The following SVEP1 variants were observed in gnomAD, a reference collection of about 807,000 sequenced individuals.
SVEP1 encodes sushi, von Willebrand factor type A, EGF and pentraxin domain containing 1.
SVEP1 carries 164 observed loss-of-function variants against 367.3 expected under a neutral mutation model. That is an observed-to-expected ratio of 0.45 (90% CI 0.39 to 0.51). SVEP1 has a LOEUF of 0.51. SVEP1 is among the 20% of genes least tolerant of loss of function. SVEP1 has a pLI of 0.00. For missense variants in SVEP1, 4,117 were observed against 4,425.3 expected (o/e 0.93, Z 1.98); for synonymous variants, 1,666 against 1,611.6 (o/e 1.03, Z -0.81).
intron 45 of SVEP1, chr9:110,376,780 T>TATTA (rs1827356724): frequency 6.6e-6 from 1 of 152,428 alleles, no homozygotes; most frequent in East Asian, 1.9e-4. Flanking sequence ...CAAAATTCTA[T>TATTA]ATTAATTTAC....
rs748725191 is a variant in SVEP1, at chr9:110,377,324, C to T, written c.10451G>A (p.Arg3484His). 3.0e-5 allele frequency: 49 copies of T among 1,613,638 alleles called. No individual in the cohort carries two copies. The highest frequency in any genetic ancestry group is 9.9e-5 in the South Asian group (9 of 91,066). The change falls in exon 45 of 48, where the codon CGC becomes CAC. Residue 3484 changes from arginine to histidine, a missense_variant. By Grantham distance (29) the Arg-to-His change is conservative. Transcript: ENST00000374469. ...CTCTGGACAGGAACAAGCATTTGGG[C>T]GTTGGCAGATGCCCCCATTCTGACA... The part of the protein sequence containing the change: ...FPCQNGGICQ[R>H]PNACSCPEGW...
In SVEP1 at chr9:110,369,728, TTTGTC is replaced by T. The variant is rs540601408; in HGVS notation, c.10694+190_10694+194del. 64 of 559,848 alleles carry T rather than the reference TTTGTC, an allele frequency of 1.1e-4. 1 individual carries two copies. The Admixed American group carries it at 1.8e-3, about 16-fold the overall frequency. The allele number at this position is 559,848 out of a possible 1,614,324, so 34.7% of individuals were successfully genotyped here. On this transcript the variant is annotated intron_variant, in intron 47 of 47. Transcript: ENST00000374469. ...CTGCTTATTTTTGAGATATTCTTGT[TTTGTC>T]AATCCTGAACTAATATTTCTTAGCT...
chr9:110,540,097 C>T (rs1168770149), intron 3 of SVEP1, among the ~76,000 whole-genome samples: 1 of 152,024 alleles, frequency 6.6e-6, no homozygotes, highest in Non-Finnish European at 1.5e-5. Context: ...ATAGTAAGCA[C>T]TATTTAATAT....
rs182866144 is a variant in SVEP1 at position 110,428,981 on chromosome 9, A to C, written c.5807+162T>G. 1.7e-4 allele frequency among the ~76,000 whole-genome samples: 26 copies of C among 152,282 alleles called. No homozygotes were observed. The East Asian group carries it at 3.3e-3, about 19-fold the overall frequency. ...GCACTCAGGAGGCTGAAGTGGGAGG[A>C]TCGCTTGAGCCTGGGAGGCAGAGAT... On this transcript the variant is annotated intron_variant, in intron 35 of 47. Transcript: ENST00000374469.
At position 110,427,728 on chromosome 9, in the gene SVEP1, C is replaced by A; in HGVS notation, c.5838G>T (p.Thr1946=). Residue 1946 remains threonine, a synonymous_variant, in exon 36 of 48, where the codon ACG becomes ACT. Coordinates refer to ENST00000374469, the MANE Select transcript of SVEP1 (RefSeq NM_153366.4). ...SLQGPSIIEC[T]ASGIWDRAPP... is the part of the protein sequence containing the mutation. ...GCGCTCTGTCCCAGATGCCAGAAGC[C>A]GTGCATTCAATAATGGAAGGGCCCT... The A allele has an allele frequency of 6.2e-7, 1 of 1,613,070 alleles. No homozygotes were observed.
chr9:110,532,074 C>CA (rs947364990), intron 3 of SVEP1, among the ~76,000 whole-genome samples: 1 of 152,084 alleles, frequency 6.6e-6, no homozygotes, highest in Non-Finnish European at 1.5e-5. Context: ...GCAGAGTTCC[C>CA]ATATGCTGTG....
chr9:110,544,041 T>G (rs1830186861), intron 3 of SVEP1, among the ~76,000 whole-genome samples: 1 of 151,946 alleles, frequency 6.6e-6, no homozygotes, highest in African/African-American at 2.4e-5. Flanking sequence ...GAAGGGGGTT[T>G]CTGCCAGCTG....
At chr9:110,434,666 TAAAAA>T (rs71371668) in intron 29 of SVEP1, among the ~76,000 whole-genome samples, 160 bp from the exon 30 acceptor site, 8 of 40,620 alleles carry the variant, frequency 2.0e-4, no homozygotes, top group African/African-American at 3.1e-4. Flanking sequence ...GCAAAATCAC[TAAAAA>T]AAAAAAAAAA....
chr9:110,562,587 T>C (rs1830446132), intron 1 of SVEP1, among the ~76,000 whole-genome samples: 1 of 152,208 alleles, frequency 6.6e-6, no homozygotes, highest in African/African-American at 2.4e-5. Context: ...GGTACTTACA[T>C]AATATGACCA....
chr9:110,554,750 G>T (rs931236630), intron 1 of SVEP1, among the ~76,000 whole-genome samples: 1 of 151,872 alleles, frequency 6.6e-6, no homozygotes, highest in Non-Finnish European at 1.5e-5. Flanking sequence ...GTGTGTGTGT[G>T]TGTATGTATG....
intron 18 of SVEP1, among the ~76,000 whole-genome samples, chr9:110,463,246 G>A (rs941101470): frequency 2.6e-5 from 4 of 151,572 alleles, no homozygotes; most frequent in African/African-American, 9.7e-5. Context: ...AGTACCTGTC[G>A]AACTTATTCT....
At chr9:110,492,611 T>C (rs1829385292) in intron 8 of SVEP1, among the ~76,000 whole-genome samples, 1 of 151,924 alleles carries the variant, frequency 6.6e-6, no homozygotes, top group Non-Finnish European at 1.5e-5. Context: ...GATATATATA[T>C]TTCATATATA....
Position 110,528,156 on chromosome 9 carries a change from G to GTGTGTGTACATATATATA in SVEP1, c.965-14051_965-14050insTATATATATGTACACACA. 1.2e-4 allele frequency among the ~76,000 whole-genome samples: 4 copies of GTGTGTGTACATATATATA among 33,950 alleles called. No individual in the cohort carries two copies. The South Asian group carries it at 3.9e-3, about 33-fold the overall frequency. 22.3% of individuals were successfully genotyped at this position (33,950 alleles called of 152,430 possible). On this transcript the variant is annotated intron_variant, in intron 3 of 47. Coordinates refer to ENST00000374469, the MANE Select transcript of SVEP1 (RefSeq NM_153366.4). ...CGTGTGTGTGTGTGTGTGTGTGTGT[G>GTGTGTGTACATATATATA]TATATATATATATATATATATATAT...
At chr9:110,415,364 C>T (rs1468883740) in intron 36 of SVEP1, among the ~76,000 whole-genome samples, 1 of 152,018 alleles carries the variant, frequency 6.6e-6, no homozygotes, top group East Asian at 1.9e-4. Context: ...ACATGGTAAG[C>T]ATGTGGCTTA....
chr9:110,539,635 G>C (rs998504510), intron 3 of SVEP1, among the ~76,000 whole-genome samples: 1 of 150,562 alleles, frequency 6.6e-6, no homozygotes, highest in Non-Finnish European at 1.5e-5. Context: ...ACACATATAT[G>C]TATGTGTTAC....
At chr9:110,376,563 C>T (rs1827354014) in intron 45 of SVEP1, among the ~76,000 whole-genome samples, 1 of 152,152 alleles carries the variant, frequency 6.6e-6, no homozygotes, top group Non-Finnish European at 1.5e-5. Context: ...TTATAAAATT[C>T]CTGCCCTGTA....
chr9:110,528,089 C>T (rs373268358), intron 3 of SVEP1, among the ~76,000 whole-genome samples: 68 of 79,350 alleles, frequency 8.6e-4, no homozygotes, highest in African/African-American at 2.3e-3. Context: ...TATATATATA[C>T]ACACACACAT....
At chr9:110,500,056 C>A (rs186772558) in intron 6 of SVEP1, among the ~76,000 whole-genome samples, 1 of 152,308 alleles carries the variant, frequency 6.6e-6, no homozygotes, top group East Asian at 1.9e-4. Context: ...GAAAACTGAG[C>A]ACACTAGTAA....
chr9:110,443,324 A>G (rs1413951130), intron 27 of SVEP1: 3 of 434,668 alleles, frequency 6.9e-6, no homozygotes, highest in Non-Finnish European at 1.2e-5. Context: ...GTCTTAATGT[A>G]GATCTTCAAA....
Sources: gnomAD v4.1 joint callset for allele counts (sites outside exome capture counted in the v4.1 genomes callset) on GRCh38, gnomAD v4.1.1 for gene constraint, MANE v1.5 for transcripts, NCBI Gene and HGNC (gene_info 2026-07-23, HGNC 2026-07-21) for gene names.